The following PHF20 variants were observed in gnomAD, a reference collection of about 807,000 sequenced individuals.
The protein encoded by PHF20 is PHD finger protein 20, also known as glioma-expressed antigen 2.
Under a neutral mutation model 113.5 loss-of-function variants are expected in PHF20, and 23 were observed. That is an observed-to-expected ratio of 0.20 (90% CI 0.15 to 0.29). PHF20 has a LOEUF of 0.29. PHF20 is among the 10% of genes least tolerant of loss of function. PHF20 has a pLI of 1.00. For missense variants in PHF20, 943 were observed against 1,219.6 expected, an observed-to-expected ratio of 0.77 and a Z score of 3.38; for synonymous variants, 434 against 457.3, an observed-to-expected ratio of 0.95 and a Z score of 0.65.
intron 2 of PHF20, among the ~76,000 whole-genome samples, chr20:35,826,669 G>A (rs1329017205): frequency 6.6e-6 from 1 of 152,176 alleles, no homozygotes; most frequent in Non-Finnish European, 1.5e-5. Context: ...ACTGAAGAGT[G>A]AAAATTTAAG....
intron 2 of PHF20, among the ~76,000 whole-genome samples, chr20:35,816,255 C>T (rs1357708019): frequency 3.3e-5 from 5 of 151,088 alleles, no homozygotes; most frequent in Non-Finnish European, 5.9e-5. Context: ...GCACCCGGCC[C>T]GAAAATCTTT....
intron 5 of PHF20, among the ~76,000 whole-genome samples, chr20:35,860,470 G>C (rs1426532878): frequency 6.6e-6 from 1 of 152,068 alleles, no homozygotes; most frequent in East Asian, 1.9e-4. Context: ...TTGAAGTCCT[G>C]ACCTCGGGTG....
At chr20:35,816,052 G>A (rs1600773800) in intron 2 of PHF20, among the ~76,000 whole-genome samples, 2 of 152,046 alleles carry the variant, frequency 1.3e-5, no homozygotes, top group East Asian at 1.9e-4. Context: ...CATCTCCGGG[G>A]TTCAAGTGAT....
In PHF20 at chr20:35,897,105, C is replaced by T. The variant is rs375965002; in HGVS notation, c.1283-2265C>T. ...CTGGAGTGCAGTGGTACAGTCATGG[C>T]TCACTGCAGCCTCAACCTGCTGGGC... On this transcript the variant is annotated intron_variant, in intron 9 of 17. Coordinates refer to ENST00000374012, the MANE Select transcript of PHF20 (RefSeq NM_016436.5). Among the ~76,000 whole-genome samples the T allele has an allele frequency of 3.9e-5, 6 of 152,216 alleles. No homozygotes were observed. The East Asian group carries it at 1.2e-3, about 29-fold the overall frequency.
At chr20:35,934,624 G>A (rs1040110175) in intron 15 of PHF20, among the ~76,000 whole-genome samples, 8 of 152,200 alleles carry the variant, frequency 5.3e-5, no homozygotes, top group African/African-American at 1.9e-4. Context: ...GTCCCCAGGA[G>A]GGGGAAAAGA....
intron 6 of PHF20, among the ~76,000 whole-genome samples, chr20:35,869,233 G>A (rs2054373655): frequency 6.6e-6 from 1 of 152,040 alleles, no homozygotes; most frequent in African/African-American, 2.4e-5. Context: ...CAATTGGCAA[G>A]GTATCACCAT....
At chr20:35,899,702 G>A (rs2055059228) in intron 10 of PHF20, 54 bp downstream of exon 10, 2 of 1,565,156 alleles carry the variant, frequency 1.3e-6, no homozygotes, top group Admixed American at 3.6e-5. Context: ...CTTGGCCACA[G>A]TGCTTGTGTT....
Position 35,949,255 on chromosome 20 carries a change from G to A in PHF20, c.*1628G>A, listed in dbSNP as rs2056137191. The stretch of plus-strand genomic sequence containing the variant: ...TTTCTGGCGTGGGAAGAAATGCACA[G>A]GCGTGCATGGCATGCACGTTCAGAC... On this transcript the variant is annotated 3_prime_UTR_variant, in exon 18 of 18. Transcript: ENST00000374012. The A allele has an allele frequency of 2.0e-5, 3 of 152,436 alleles. No homozygotes were observed. The South Asian group carries it at 6.2e-4, about 32-fold the overall frequency. The allele number at this position is 152,436 out of a possible 1,614,324, so 9.4% of individuals were successfully genotyped here.
intron 2 of PHF20, among the ~76,000 whole-genome samples, chr20:35,812,826 C>T (rs2042001055): frequency 6.6e-6 from 1 of 152,118 alleles, no homozygotes; most frequent in Admixed American, 6.6e-5. Context: ...ATTATCCCCC[C>T]ACATCATTTA....
rs528064993 is a variant in PHF20, at chr20:35,895,396, G to A, written c.1283-3974G>A. Among the ~76,000 whole-genome samples the A allele has an allele frequency of 6.6e-5, 10 of 152,236 alleles. No homozygotes were observed. In the East Asian group the frequency reaches 1.2e-3, roughly 18 times the overall value. On this transcript the variant is annotated intron_variant, in intron 9 of 17. Coordinates refer to ENST00000374012, the MANE Select transcript of PHF20 (RefSeq NM_016436.5). The stretch of plus-strand genomic sequence containing the variant: ...TGGTCTTGAACTCCTGACTGCAAGT[G>A]ATCTGCCCGCCTCAGTTTCCCAAAG...
intron 1 of PHF20, among the ~76,000 whole-genome samples, chr20:35,785,423 G>T (rs1435761082): frequency 2.0e-5 from 3 of 151,950 alleles, no homozygotes; most frequent in Non-Finnish European, 4.4e-5. Context: ...GGGTTCAAGC[G>T]ATTCTCCTGC....
chr20:35,866,308 C>G (rs2054320027), intron 6 of PHF20, among the ~76,000 whole-genome samples: 1 of 152,190 alleles, frequency 6.6e-6, no homozygotes, highest in African/African-American at 2.4e-5. Flanking sequence ...CACTGGCTTT[C>G]TCAACTGAGT....
At chr20:35,890,381 T>G (rs545127613) in intron 9 of PHF20, among the ~76,000 whole-genome samples, 107 of 152,352 alleles carry the variant, frequency 7.0e-4, no homozygotes, top group African/African-American at 2.5e-3. Flanking sequence ...AATGTTCCTA[T>G]TGTGATTTTA....
chr20:35,772,239 G>A (rs1417978399), intron 1 of PHF20, among the ~76,000 whole-genome samples, 160 bp downstream of exon 1: 2 of 151,786 alleles, frequency 1.3e-5, no homozygotes, highest in Non-Finnish European at 2.9e-5. Context: ...CAGCCTGGAG[G>A]GAGGCCCTGG....
chr20:35,911,789 G>C (rs2055309579), intron 10 of PHF20, among the ~76,000 whole-genome samples: 2 of 152,000 alleles, frequency 1.3e-5, no homozygotes, highest in Admixed American at 1.3e-4. Context: ...CTCCCAAGTA[G>C]CTGGGATTAC....
At chr20:35,848,495 C>T (rs550905908) in intron 4 of PHF20, among the ~76,000 whole-genome samples, 1 of 152,230 alleles carries the variant, frequency 6.6e-6, no homozygotes, top group Admixed American at 6.5e-5. Context: ...ATGTGATCCA[C>T]CCACCTCGGC....
intron 1 of PHF20, among the ~76,000 whole-genome samples, chr20:35,791,122 G>C (rs986610335): frequency 2.6e-5 from 4 of 152,182 alleles, no homozygotes; most frequent in African/African-American, 9.6e-5. Flanking sequence ...CTCCCAAAGT[G>C]TTGGGATTAC....
At chr20:35,820,609 C>T (rs566532807) in intron 2 of PHF20, among the ~76,000 whole-genome samples, 133 of 151,870 alleles carry the variant, frequency 8.8e-4, no homozygotes, top group African/African-American at 2.8e-3. Context: ...CCACCATGCC[C>T]GGCTAATTTT....
intron 2 of PHF20, among the ~76,000 whole-genome samples, chr20:35,816,678 T>C (rs2042080026): frequency 6.6e-6 from 1 of 152,008 alleles, no homozygotes; most frequent in Non-Finnish European, 1.5e-5. Context: ...GGTCTTGAAC[T>C]CCTGACCTTA....
Sources: gnomAD v4.1 joint callset for allele counts (sites outside exome capture counted in the v4.1 genomes callset) on GRCh38, gnomAD v4.1.1 for gene constraint, MANE v1.5 for transcripts, NCBI Gene and HGNC (gene_info 2026-07-23, HGNC 2026-07-21) for gene names.